Variants in CDYL observed in about 807,000 individuals in gnomAD.
The protein encoded by CDYL is chromodomain Y like, also known as chromodomain Y-like protein.
A neutral mutation model predicts 47.3 loss-of-function variants in CDYL; 8 were observed. The observed-to-expected ratio is 0.17, with a 90% CI of 0.10 to 0.31. The LOEUF (loss-of-function observed/expected upper bound fraction) is 0.31. Among genes scored for constraint, CDYL ranks in the 10% least tolerant of loss-of-function variants. The pLI is 1.00. For missense variants in CDYL, 471 were observed against 701.4 expected, an observed-to-expected ratio of 0.67 and a Z score of 3.71; for synonymous variants, 266 against 265.0, an observed-to-expected ratio of 1.00 and a Z score of -0.04.
At position 4,760,028 on chromosome 6, in the gene CDYL, CT is replaced by C. The variant is rs1182178752; in HGVS notation, c.186+25185del. Reference sequence around the variant, plus strand: ...TGAAGAGATTAGTTTCATTTTACCCCTATTCTCAAAAGCAAGTCTGTTGTTT... The same window carrying C: ...TGAAGAGATTAGTTTCATTTTACCCCATTCTCAAAAGCAAGTCTGTTGTTT... On this transcript the variant is annotated intron_variant, in intron 3 of 8. Transcript: ENST00000328908. Among the ~76,000 whole-genome samples, 4 of 151,262 alleles carry C rather than the reference CT, an allele frequency of 2.6e-5. No individual in the cohort carries two copies. The East Asian group carries it at 5.8e-4, about 22-fold the overall frequency.
intron 3 of CDYL, among the ~76,000 whole-genome samples, chr6:4,735,626 C>T (rs1757688938): frequency 6.6e-6 from 1 of 151,900 alleles, no homozygotes; most frequent in Admixed American, 6.6e-5. Context: ...ATTAGCCAAG[C>T]TTGGTGGTGC....
At chr6:4,833,381 T>G (rs1221919805) in intron 1 of CDYL, among the ~76,000 whole-genome samples, 1 of 151,914 alleles carries the variant, frequency 6.6e-6, no homozygotes, top group East Asian at 1.9e-4. Flanking sequence ...AGTTGAGTGG[T>G]TTTGAGTGAG....
chr6:4,934,747 A>G (rs1045496214), intron 2 of CDYL, among the ~76,000 whole-genome samples: 1 of 152,192 alleles, frequency 6.6e-6, no homozygotes, highest in Non-Finnish European at 1.5e-5. Flanking sequence ...GGATCACTTG[A>G]GGCCAGGAGT....
intron 2 of CDYL, among the ~76,000 whole-genome samples, chr6:4,731,695 A>G (rs757715826): frequency 1.1e-4 from 17 of 152,120 alleles, no homozygotes; most frequent in Non-Finnish European, 2.1e-4. Flanking sequence ...GCTACTCAGG[A>G]GACTGAGGCA....
At chr6:4,745,413 CCT>C (rs1251424512) in intron 3 of CDYL, among the ~76,000 whole-genome samples, 2 of 151,850 alleles carry the variant, frequency 1.3e-5, no homozygotes, top group African/African-American at 4.8e-5. Flanking sequence ...CAGAAAACCC[CCT>C]CTTTCCCTCC....
chr6:4,851,691 A>AAAAAGTCTTAACGC (rs1760833955), intron 1 of CDYL, among the ~76,000 whole-genome samples: 1 of 152,260 alleles, frequency 6.6e-6, no homozygotes, highest in Non-Finnish European at 1.5e-5. Context: ...GCACCTTGGT[A>AAAAAGTCTTAACGC]AAAAGTCTTA....
chr6:4,893,099 C>T (rs538611282), intron 2 of CDYL, among the ~76,000 whole-genome samples: 7 of 152,226 alleles, frequency 4.6e-5, no homozygotes, highest in African/African-American at 7.2e-5. Context: ...TTTTCTCTTA[C>T]GAGGCCTCAT....
At chr6:4,930,573 T>C (rs774707746) in intron 2 of CDYL, among the ~76,000 whole-genome samples, 2 of 152,200 alleles carry the variant, frequency 1.3e-5, no homozygotes, top group Non-Finnish European at 2.9e-5. Flanking sequence ...AAACAGTTGT[T>C]ATGTCTATTT....
intron 1 of CDYL, among the ~76,000 whole-genome samples, chr6:4,801,876 T>A (rs572008869): frequency 1.3e-5 from 2 of 152,364 alleles, no homozygotes; most frequent in South Asian, 4.1e-4. Flanking sequence ...TTCTGGTTTC[T>A]GACTGCTTTT....
intron 2 of CDYL, among the ~76,000 whole-genome samples, chr6:4,728,769 G>C (rs1479860235): frequency 1.3e-5 from 2 of 152,182 alleles, no homozygotes; most frequent in Non-Finnish European, 2.9e-5. Context: ...TCAAAGCGAT[G>C]TCATGGGCTC....
At chr6:4,863,206 G>A (rs539368247) in intron 1 of CDYL, among the ~76,000 whole-genome samples, 14 of 152,126 alleles carry the variant, frequency 9.2e-5, no homozygotes, top group Non-Finnish European at 1.9e-4. Context: ...AAAAAGGTGG[G>A]AGGGAGGGAA....
intron 1 of CDYL, 93 bp from the exon 2 acceptor site, chr6:4,891,620 G>T (rs958566074): frequency 1.0e-6 from 1 of 992,146 alleles, no homozygotes; most frequent in Non-Finnish European, 1.5e-6. Context: ...ATCTATTGTG[G>T]TTTTTGCTAT....
intron 4 of CDYL, among the ~76,000 whole-genome samples, chr6:4,940,167 G>A (rs530389838): frequency 5.9e-5 from 9 of 152,246 alleles, no homozygotes; most frequent in Middle Eastern, 3.4e-3. Context: ...TCCCTGCTCC[G>A]TCCACTCTCC....
chr6:4,938,456 A>G (rs1758268130), intron 4 of CDYL, among the ~76,000 whole-genome samples: 2 of 152,126 alleles, frequency 1.3e-5, no homozygotes, highest in Admixed American at 1.3e-4. Context: ...CTTACTTTTA[A>G]ACTCAGAAGT....
chr6:4,900,779 G>GTGTATGTATATGTATATATATATA, intron 2 of CDYL, among the ~76,000 whole-genome samples: 1 of 51,706 alleles, frequency 1.9e-5, no homozygotes, highest in African/African-American at 6.3e-5. Flanking sequence ...GTATACGTGT[G>GTGTATGTATATGTATATATATATA]TATATATATA....
At chr6:4,908,680 A>AT (rs1282817590) in intron 2 of CDYL, among the ~76,000 whole-genome samples, 1 of 151,856 alleles carries the variant, frequency 6.6e-6, no homozygotes, top group Non-Finnish European at 1.5e-5. Flanking sequence ...CTCTTTCCCC[A>AT]TTTTCTCCCC....
chr6:4,815,295 TA>T (rs1759640329), intron 1 of CDYL, among the ~76,000 whole-genome samples: 1 of 152,246 alleles, frequency 6.6e-6, no homozygotes, highest in African/African-American at 2.4e-5. Flanking sequence ...GAGGTTTATA[TA>T]AATATAGCTA....
intron 2 of CDYL, among the ~76,000 whole-genome samples, chr6:4,928,163 T>C (rs1043805070): frequency 6.6e-6 from 1 of 152,254 alleles, no homozygotes; most frequent in African/African-American, 2.4e-5. Context: ...AAGGTTTTAA[T>C]TGGAAGTCTA....
At chr6:4,843,958 T>C (rs1760579206) in intron 1 of CDYL, among the ~76,000 whole-genome samples, 1 of 152,234 alleles carries the variant, frequency 6.6e-6, no homozygotes, top group Non-Finnish European at 1.5e-5. Flanking sequence ...GGGTATACTA[T>C]GTCAGAGGGA....
Sources: allele counts gnomAD v4.1 joint callset (sites outside exome capture counted in the v4.1 genomes callset), GRCh38; gene constraint gnomAD v4.1.1; transcripts MANE v1.5; gene names NCBI Gene and HGNC (gene_info 2026-07-23, HGNC 2026-07-21).